GOPC: variants seen among roughly 807,000 people sequenced by gnomAD.
GOPC encodes the protein Golgi-associated PDZ and coiled-coil motif-containing protein.
A neutral mutation model predicts 51.2 loss-of-function variants in GOPC; 32 were observed. That is an observed-to-expected ratio of 0.63 (90% confidence interval 0.47 to 0.84). The LOEUF (loss-of-function observed/expected upper bound fraction) is 0.84. Ranked by LOEUF, GOPC falls within the 40% of genes least tolerant of loss-of-function variation. The pLI is 0.00. For missense variants in GOPC, 441 were observed against 555.5 expected, an observed-to-expected ratio of 0.79 and a Z score of 2.07; for synonymous variants, 190 against 205.1, an observed-to-expected ratio of 0.93 and a Z score of 0.63.
chr6:117,591,007 C>T (rs1020043500), intron 1 of GOPC, among the ~76,000 whole-genome samples: 3 of 152,180 alleles, frequency 2.0e-5, no homozygotes, highest in Non-Finnish European at 2.9e-5. Flanking sequence ...CATGCGCCAC[C>T]ACACCCAGCT....
chr6:117,601,933 C>G (rs970688374), intron 1 of GOPC, 71 bp downstream of exon 1: 14 of 1,519,010 alleles, frequency 9.2e-6, no homozygotes, highest in Non-Finnish European at 1.3e-5. Flanking sequence ...TTCACTGGAG[C>G]GTTAAATGGC....
chr6:117,569,017 A>G (rs1233053556), intron 7 of GOPC, among the ~76,000 whole-genome samples: 1 of 152,226 alleles, frequency 6.6e-6, no homozygotes, highest in Non-Finnish European at 1.5e-5. Flanking sequence ...TATGACAAAT[A>G]TGACTCCTGA....
intron 1 of GOPC, among the ~76,000 whole-genome samples, chr6:117,585,249 A>G (rs2114619957): frequency 6.6e-6 from 1 of 152,284 alleles, no homozygotes; most frequent in African/African-American, 2.4e-5. Context: ...ATTATTTTCT[A>G]AGAATACACA....
At chr6:117,591,227 A>C (rs1432253439) in intron 1 of GOPC, among the ~76,000 whole-genome samples, 1 of 152,204 alleles carries the variant, frequency 6.6e-6, no homozygotes, top group African/African-American at 2.4e-5. Context: ...TATCTATACC[A>C]AAGGAAGTAC....
chr6:117,579,235 T>C (rs1348058529), intron 1 of GOPC, among the ~76,000 whole-genome samples, 171 bp from the exon 2 acceptor site: 1 of 152,092 alleles, frequency 6.6e-6, no homozygotes, highest in Non-Finnish European at 1.5e-5. Context: ...AGAAAATCAA[T>C]AGTATAAGTC....
rs1278324517 is a variant in GOPC at position 117,571,008 on chromosome 6, A to G, written c.817-53T>C. The G allele has an allele frequency of 4.7e-6, 4 of 858,324 alleles. No homozygotes were observed. In the African/African-American group the frequency reaches 6.8e-5, roughly 14 times the overall value. The allele number at this position is 858,324 out of a possible 1,614,324, so 53.2% of individuals were successfully genotyped here. On this transcript the variant is annotated intron_variant, in intron 5 of 8. Coordinates refer to ENST00000368498, the MANE Select transcript of GOPC (RefSeq NM_020399.4). ...GTAGTATCATTTAAATAGCATACCA[A>G]ATAGAGTAAACTCATACTATATAAC...
In GOPC at chr6:117,571,192, A is replaced by G. The variant is rs182967929; in HGVS notation, c.817-237T>C. On this transcript the variant is annotated intron_variant, in intron 5 of 8. Transcript: ENST00000368498. ...TGCCAATAATGTTTAAAATATTGATACATCTCTTTTTAAATTGTAGGGCAT... is the reference window on the plus strand; with the variant it reads ...TGCCAATAATGTTTAAAATATTGATGCATCTCTTTTTAAATTGTAGGGCAT... Among the ~76,000 whole-genome samples, 7 of 152,308 alleles carry G rather than the reference A, an allele frequency of 4.6e-5. No individual in the cohort carries two copies. In the East Asian group the frequency reaches 1.2e-3, roughly 25 times the overall value.
chr6:117,598,742 A>T (rs1338323097), intron 1 of GOPC, among the ~76,000 whole-genome samples: 2 of 152,216 alleles, frequency 1.3e-5, no homozygotes, highest in Non-Finnish European at 2.9e-5. Context: ...CCTGCTGTTC[A>T]GCCAGTTCCT....
rs1020794090 is a variant in GOPC, at chr6:117,560,609, G to A, written c.*2645C>T. Reference sequence around the variant, plus strand: ...GCTAACTTTCGATAGCTGTTGACTTGTAATTATCAAGACTCACAAAATTTT... The same window carrying A: ...GCTAACTTTCGATAGCTGTTGACTTATAATTATCAAGACTCACAAAATTTT... On this transcript the variant is annotated 3_prime_UTR_variant, in exon 9 of 9. Coordinates refer to ENST00000368498, the MANE Select transcript of GOPC (RefSeq NM_020399.4). 5.1e-6 allele frequency: 1 copy of A among 194,816 alleles called. No homozygotes were observed. The highest frequency in any genetic ancestry group is 1.1e-5 in the Non-Finnish European group (1 of 93,246). The allele number at this position is 194,816 out of a possible 1,614,324, so 12.1% of individuals were successfully genotyped here.
At chr6:117,588,273 C>A (rs1019587077) in intron 1 of GOPC, among the ~76,000 whole-genome samples, 1 of 151,624 alleles carries the variant, frequency 6.6e-6, no homozygotes, top group Non-Finnish European at 1.5e-5. Flanking sequence ...GAGGCCTCAG[C>A]AAACTTTTTT....
chr6:117,580,581 T>C (rs1415244818), intron 1 of GOPC, among the ~76,000 whole-genome samples: 2 of 152,162 alleles, frequency 1.3e-5, no homozygotes, highest in African/African-American at 4.8e-5. Flanking sequence ...TTCTATGCCC[T>C]AAGTGACATT....
intron 5 of GOPC, among the ~76,000 whole-genome samples, chr6:117,572,447 T>C (rs1779820323): frequency 6.6e-6 from 1 of 152,192 alleles, no homozygotes; most frequent in Admixed American, 6.5e-5. Context: ...CTCTTCACTA[T>C]ACCAAAATAA....
chr6:117,586,993 G>A (rs1203199392), intron 1 of GOPC, among the ~76,000 whole-genome samples: 1 of 152,062 alleles, frequency 6.6e-6, no homozygotes, highest in Non-Finnish European at 1.5e-5. Context: ...CAAAATCACA[G>A]AAATCTAATG....
intron 8 of GOPC, among the ~76,000 whole-genome samples, chr6:117,564,476 C>T (rs1159072726): frequency 2.6e-5 from 4 of 151,972 alleles, no homozygotes; most frequent in Non-Finnish European, 5.9e-5. Context: ...AAACTTAAAA[C>T]GAATTCTGAT....
At position 117,600,417 on chromosome 6, in the gene GOPC, T is replaced by C. The variant is rs147763159; in HGVS notation, c.285+1587A>G. On this transcript the variant is annotated intron_variant, in intron 1 of 8. Transcript: ENST00000368498. ...ACATTGGAGATTCAATACTGTCACA[T>C]TGAGGATTAAGTTTCCCATACACGA... is the stretch of plus-strand genomic sequence containing the variant. 4.5e-3 allele frequency among the ~76,000 whole-genome samples: 678 copies of C among 152,306 alleles called. 4 individuals are homozygous for C. Among genetic ancestry groups the C allele is most frequent in the African/African-American group, 0.011 (475 of 41,566 alleles).
At chr6:117,585,051 T>C (rs1469724289) in intron 1 of GOPC, among the ~76,000 whole-genome samples, 1 of 152,194 alleles carries the variant, frequency 6.6e-6, no homozygotes, top group Non-Finnish European at 1.5e-5. Flanking sequence ...CCCCATTTGA[T>C]ATTTCTTTAT....
chr6:117,570,731 C>T (rs2114608550), intron 6 of GOPC, 129 bp downstream of exon 6: 2 of 410,916 alleles, frequency 4.9e-6, no homozygotes, highest in South Asian at 8.4e-5. Context: ...AACATTTATC[C>T]CCATGGGGAT....
chr6:117,576,298 A>G (rs1779880328), intron 3 of GOPC, among the ~76,000 whole-genome samples: 2 of 151,816 alleles, frequency 1.3e-5, no homozygotes, highest in Admixed American at 6.6e-5. Context: ...AATTTCTGGG[A>G]AAAAAAAGAT....
intron 1 of GOPC, among the ~76,000 whole-genome samples, chr6:117,593,985 T>A (rs1780156599): frequency 6.6e-6 from 1 of 152,224 alleles, no homozygotes; most frequent in African/African-American, 2.4e-5. Context: ...ATTTTCTGCA[T>A]TCATTCATGT....
Sources: gnomAD v4.1 joint callset for allele counts (sites outside exome capture counted in the v4.1 genomes callset) on GRCh38, gnomAD v4.1.1 for gene constraint, MANE v1.5 for transcripts, NCBI Gene and HGNC (gene_info 2026-07-23, HGNC 2026-07-21) for gene names.